The following RYR2 variants were observed in gnomAD, a reference collection of about 807,000 sequenced individuals.
RYR2 encodes the protein ryanodine receptor 2.
Under a neutral mutation model 601.1 loss-of-function variants are expected in RYR2, and 227 were observed. That is an observed-to-expected ratio of 0.38 (90% CI 0.34 to 0.42). The LOEUF (loss-of-function observed/expected upper bound fraction) is 0.42. RYR2 is among the 10% of genes least tolerant of loss of function. The pLI is 1.00. For missense variants in RYR2, 4,646 were observed against 6,156.5 expected (o/e 0.75, Z 8.21); for synonymous variants, 2,223 against 2,175.1 (o/e 1.02, Z -0.61).
chr1:237,276,184 C>T (rs1212346169), intron 2 of RYR2, among the ~76,000 whole-genome samples: 1 of 152,152 alleles, frequency 6.6e-6, no homozygotes, highest in Non-Finnish European at 1.5e-5. Context: ...ACTGAAACGT[C>T]CACCTCCTGC....
At chr1:237,125,067 G>C (rs1571925701) in intron 1 of RYR2, among the ~76,000 whole-genome samples, 1 of 152,270 alleles carries the variant, frequency 6.6e-6, no homozygotes, top group South Asian at 2.1e-4. Flanking sequence ...CCCTCTACTG[G>C]CTGCAGAGTT....
intron 24 of RYR2, among the ~76,000 whole-genome samples, chr1:237,519,708 A>C (rs967615791): frequency 6.6e-6 from 1 of 152,200 alleles, no homozygotes; most frequent in African/African-American, 2.4e-5. Flanking sequence ...ATTTGAAGTC[A>C]GGTAATATGA....
intron 2 of RYR2, among the ~76,000 whole-genome samples, chr1:237,292,576 A>T (rs950942425): frequency 6.6e-6 from 1 of 152,228 alleles, no homozygotes; most frequent in Non-Finnish European, 1.5e-5. Flanking sequence ...GAAAATAGCC[A>T]TGGAAAATTA....
chr1:237,417,000 T>G, intron 10 of RYR2, 49 bp from the exon 11 acceptor site: 1 of 1,538,100 alleles, frequency 6.5e-7, no homozygotes, highest in Non-Finnish European at 9.0e-7. Flanking sequence ...GTCCAAAGAA[T>G]GAAACATGTT....
intron 63 of RYR2, among the ~76,000 whole-genome samples, chr1:237,693,478 G>A (rs1292404550): frequency 4.6e-5 from 7 of 152,090 alleles, no homozygotes; most frequent in Admixed American, 3.9e-4. Flanking sequence ...CAGAGTTAGT[G>A]GAGAATTTGT....
intron 1 of RYR2, among the ~76,000 whole-genome samples, chr1:237,153,812 A>C (rs767139288): frequency 2.6e-4 from 39 of 152,196 alleles, no homozygotes; most frequent in Non-Finnish European, 4.9e-4. Context: ...TATTGGAAAT[A>C]AAGAAGTGGT....
intron 21 of RYR2, 21 bp downstream of exon 21, chr1:237,500,924 TG>T: frequency 6.2e-7 from 1 of 1,610,650 alleles, no homozygotes; most frequent in Non-Finnish European, 8.5e-7. Context: ...CTATGTTTTT[TG>T]GTCTCTTTCC....
In RYR2 at chr1:237,631,876, C is replaced by T. The variant is rs1259156469; in HGVS notation, c.6555+335C>T. Among the ~76,000 whole-genome samples, 6 of 49,288 alleles carry T rather than the reference C, an allele frequency of 1.2e-4. 1 individual carries two copies. The highest frequency in any genetic ancestry group is 1.1e-3 in the African/African-American group (6 of 5,654). 32.3% of individuals were successfully genotyped at this position (49,288 alleles called of 152,430 possible). A position where few individuals can be genotyped will look rare whatever the true frequency, so the allele number is the denominator to read the frequency against. ...ATCTCCTGACCTCGTGATCCGCCCG[C>T]CTTGGCCTCCCCTCCCGAAGTGCTG... On this transcript the variant is annotated intron_variant, in intron 42 of 104. Coordinates refer to ENST00000366574, the MANE Select transcript of RYR2 (RefSeq NM_001035.3).
At chr1:237,447,876 C>CCTTTTCTTTT (rs1160346767) in intron 14 of RYR2, among the ~76,000 whole-genome samples, 94 of 126,408 alleles carry the variant, frequency 7.4e-4, no homozygotes, top group African/African-American at 2.5e-3. Flanking sequence ...TTTTTTCTTT[C>CCTTTTCTTTT]CTTTTCTTTT....
intron 71 of RYR2, among the ~76,000 whole-genome samples, chr1:237,716,971 A>G (rs1033287427): frequency 1.3e-5 from 2 of 152,316 alleles, no homozygotes; most frequent in East Asian, 1.9e-4. Context: ...TTACGTGGGA[A>G]TGCATACCAG....
intron 1 of RYR2, among the ~76,000 whole-genome samples, chr1:237,213,732 A>G (rs991724162): frequency 6.6e-6 from 1 of 151,848 alleles, no homozygotes; most frequent in Non-Finnish European, 1.5e-5. Context: ...ATGTAGTCAT[A>G]TATGTTTATC....
At position 237,649,927 on chromosome 1, in the gene RYR2, C is replaced by T. The variant is rs1342231241; in HGVS notation, c.7563C>T (p.Cys2521=). 1 of 1,613,968 alleles carries T rather than the reference C, an allele frequency of 6.2e-7. No homozygotes were observed. ...CCTTGGCCCTCAATCGGTACCTTTG[C>T]ACAGCCGTCTTGCCATTGTTAACAA... The part of the protein sequence containing the change: ...DMALALNRYL[C]TAVLPLLTRC... Residue 2521 remains cysteine, a synonymous_variant, in exon 50 of 105, where the codon TGC becomes TGT. Coordinates refer to ENST00000366574, the MANE Select transcript of RYR2 (RefSeq NM_001035.3).
At chr1:237,714,992 A>T (rs1432721789) in intron 71 of RYR2, among the ~76,000 whole-genome samples, 12 of 4,516 alleles carry the variant, frequency 2.7e-3, no homozygotes, top group South Asian at 7.7e-3. Flanking sequence ...ACTCCATCTC[A>T]AAAAAAAAAA....
chr1:237,681,930 C>T (rs1427802173), intron 62 of RYR2, among the ~76,000 whole-genome samples: 1 of 152,146 alleles, frequency 6.6e-6, no homozygotes, highest in African/African-American at 2.4e-5. Context: ...GGTCTGTTAG[C>T]CTTTTTAAAT....
chr1:237,285,163 G>A (rs4659780), intron 2 of RYR2, among the ~76,000 whole-genome samples: 71,801 of 151,860 alleles, frequency 0.47, 19,191 homozygotes, highest in East Asian at 0.77. Flanking sequence ...GTTGGCTGAG[G>A]GTTTGTCTTA....
At chr1:237,795,877 C>CATATATATATATATATGTATATGTATAT (rs1186991161) in intron 96 of RYR2, among the ~76,000 whole-genome samples, 2 of 96,556 alleles carry the variant, frequency 2.1e-5, no homozygotes, top group African/African-American at 7.0e-5. Context: ...TATATATACA[C>CATATATATATATATATGTATATGTATAT]ATATATATAT....
chr1:237,481,836 C>A (rs2997972), intron 17 of RYR2, among the ~76,000 whole-genome samples: 16,281 of 90,942 alleles, frequency 0.18, 1,900 homozygotes, highest in African/African-American at 0.35. Context: ...AAAAAAAAAA[C>A]CACCTCCCAA....
intron 87 of RYR2, among the ~76,000 whole-genome samples, chr1:237,777,904 A>G (rs1055049963): frequency 1.3e-5 from 2 of 152,218 alleles, no homozygotes; most frequent in Non-Finnish European, 2.9e-5. Context: ...TAAAAGTGCA[A>G]AGTCCCTAGT....
At chr1:237,145,086 G>A (rs991666791) in intron 1 of RYR2, among the ~76,000 whole-genome samples, 5 of 152,100 alleles carry the variant, frequency 3.3e-5, no homozygotes, top group Admixed American at 2.0e-4. Context: ...GGGGAGCTAG[G>A]GGAGGGATAG....
Sources: gnomAD v4.1 joint callset for allele counts (sites outside exome capture counted in the v4.1 genomes callset) on GRCh38, gnomAD v4.1.1 for gene constraint, MANE v1.5 for transcripts, NCBI Gene and HGNC (gene_info 2026-07-23, HGNC 2026-07-21) for gene names.